TMEM266: variants seen among roughly 807,000 people sequenced by gnomAD.
TMEM266 encodes the protein Hv1 related protein 1.
Under a neutral mutation model 50.5 loss-of-function variants are expected in TMEM266, and 33 were observed. That is an observed-to-expected ratio of 0.65 (90% CI 0.50 to 0.87). TMEM266 has a LOEUF of 0.87. TMEM266 is among the 40% of genes least tolerant of loss of function. TMEM266 has a pLI of 0.00. For synonymous variants in TMEM266, 310 were observed against 292.3 expected (o/e 1.06, Z -0.62); for missense variants, 655 against 695.1 (o/e 0.94, Z 0.65).
intron 3 of TMEM266, among the ~76,000 whole-genome samples, chr15:76,151,896 C>T (rs1220750629): frequency 6.6e-6 from 1 of 152,178 alleles, no homozygotes; most frequent in Non-Finnish European, 1.5e-5. Flanking sequence ...CCTGGAACAG[C>T]GGTTTTCCAT....
In TMEM266 at chr15:76,124,831, GA is replaced by G. The variant is rs374244174; in HGVS notation, c.-96-9326del. Among the ~76,000 whole-genome samples, 1,249 of 144,748 alleles carry G rather than the reference GA, an allele frequency of 8.6e-3. 16 individuals carry two copies. Among genetic ancestry groups the G allele is most frequent in the African/African-American group, 0.029 (1,131 of 39,618 alleles). The allele number at this position is 144,748 out of a possible 152,430, so 95.0% of individuals were successfully genotyped here. A position where few individuals can be genotyped will look rare whatever the true frequency, so the allele number is the denominator to read the frequency against. Reference sequence around the variant, plus strand: ...AAAAATTCCAATGGCACTTTTCACAGAAAAAAAAAAATTCCTAAAATTTGTA... The same window carrying G: ...AAAAATTCCAATGGCACTTTTCACAGAAAAAAAAAATTCCTAAAATTTGTA... On this transcript the variant is annotated intron_variant, in intron 1 of 10. Coordinates refer to ENST00000388942, the MANE Select transcript of TMEM266 (RefSeq NM_152335.3).
At chr15:76,195,132 C>A (rs373203906) in intron 9 of TMEM266, among the ~76,000 whole-genome samples, 43 of 151,980 alleles carry the variant, frequency 2.8e-4, no homozygotes, top group African/African-American at 9.9e-4. Flanking sequence ...ATGCTTAGAA[C>A]CCATCTTAGA....
In TMEM266 at chr15:76,080,375, C is replaced by G. The variant is rs576185615; in HGVS notation, c.-97+20359C>G. ...CAAGCGATTCTCCTGCCTCAGCCTC[C>G]TGAGTAGCTGAGATTACAGGTATGC... On this transcript the variant is annotated intron_variant, in intron 1 of 10. Coordinates refer to ENST00000388942, the MANE Select transcript of TMEM266 (RefSeq NM_152335.3). 1.6e-4 allele frequency among the ~76,000 whole-genome samples: 19 copies of G among 121,538 alleles called. No homozygotes were observed. The South Asian group carries it at 4.8e-3, about 31-fold the overall frequency. 79.7% of individuals were successfully genotyped at this position (121,538 alleles called of 152,430 possible).
intron 1 of TMEM266, among the ~76,000 whole-genome samples, chr15:76,108,696 G>A (rs187258564): frequency 5.7e-4 from 87 of 152,304 alleles, no homozygotes; most frequent in African/African-American, 1.9e-3. Context: ...AGCTAGACAG[G>A]GTAGCAGTTT....
chr15:76,092,969 A>T (rs1382565391), intron 1 of TMEM266, among the ~76,000 whole-genome samples: 1 of 150,958 alleles, frequency 6.6e-6, no homozygotes, highest in Non-Finnish European at 1.5e-5. Context: ...CACCACACCC[A>T]ACTAATTTTT....
At chr15:76,203,667 C>T in intron 10 of TMEM266, 74 bp from the exon 11 acceptor site, 2 of 1,445,668 alleles carry the variant, frequency 1.4e-6, no homozygotes, top group Non-Finnish European at 1.9e-6. Context: ...CCGCCCGGCT[C>T]AGACCTGCTC....
chr15:76,145,819 G>T (rs2037746739), intron 3 of TMEM266, among the ~76,000 whole-genome samples: 1 of 152,238 alleles, frequency 6.6e-6, no homozygotes, highest in Admixed American at 6.5e-5. Flanking sequence ...TTCCAATGCA[G>T]TTGGACCAGT....
intron 1 of TMEM266, among the ~76,000 whole-genome samples, chr15:76,069,783 A>G (rs1163364538): frequency 6.6e-6 from 1 of 151,690 alleles, no homozygotes; most frequent in Non-Finnish European, 1.5e-5. Flanking sequence ...ATGCCACTGC[A>G]CTCCAGCCTG....
At chr15:76,157,437 C>T (rs2037944157) in intron 4 of TMEM266, among the ~76,000 whole-genome samples, 2 of 152,168 alleles carry the variant, frequency 1.3e-5, no homozygotes, top group South Asian at 4.1e-4. Context: ...CAGTTCTCTT[C>T]CTCTTGGCAT....
At chr15:76,107,413 G>A (rs1056397369) in intron 1 of TMEM266, among the ~76,000 whole-genome samples, 12 of 152,160 alleles carry the variant, frequency 7.9e-5, no homozygotes, top group African/African-American at 1.4e-4. Flanking sequence ...AAGTGACTGC[G>A]TTGAGTACTT....
intron 9 of TMEM266, among the ~76,000 whole-genome samples, chr15:76,199,931 A>C (rs892526539): frequency 6.6e-6 from 1 of 152,152 alleles, no homozygotes; most frequent in Non-Finnish European, 1.5e-5. Context: ...TGTCATGTAG[A>C]CCGTGAGTAG....
chr15:76,115,602 T>C (rs1216857313), intron 1 of TMEM266, among the ~76,000 whole-genome samples: 1 of 152,192 alleles, frequency 6.6e-6, no homozygotes, highest in East Asian at 1.9e-4. Context: ...CCTAACTTCT[T>C]GGGGCTGCCT....
At chr15:76,075,655 G>A (rs1430654694) in intron 1 of TMEM266, among the ~76,000 whole-genome samples, 1 of 151,774 alleles carries the variant, frequency 6.6e-6, no homozygotes, top group Non-Finnish European at 1.5e-5. Flanking sequence ...TAGGCACAGA[G>A]AGTAACCAAA....
rs114799572 is a variant in TMEM266, at chr15:76,133,804, G to A, written c.-96-364G>A. ...CATGGAAAACATTTGAGATTTTTTA[G>A]ACAAACCTTATTTTGAAGCCTCTCA... On this transcript the variant is annotated intron_variant, in intron 1 of 10. Coordinates refer to ENST00000388942, the MANE Select transcript of TMEM266 (RefSeq NM_152335.3). Among the ~76,000 whole-genome samples, 390 of 152,344 alleles carry A rather than the reference G, an allele frequency of 2.6e-3. 1 individual carries two copies. Among genetic ancestry groups the A allele is most frequent in the African/African-American group, 8.9e-3 (372 of 41,580 alleles).
At chr15:76,199,075 C>T (rs1454848380) in intron 9 of TMEM266, among the ~76,000 whole-genome samples, 1 of 152,220 alleles carries the variant, frequency 6.6e-6, no homozygotes, top group African/African-American at 2.4e-5. Context: ...AAGGGTAAAC[C>T]ATGAAGTCCA....
rs1299635405 is a variant in TMEM266, at chr15:76,153,391, C to T, written c.228-3213C>T. ...CGGCACCTTCCGTGGAACGTGAAGA[C>T]GAGGCTTCCTGCTGGCCAGCCCAGG... On this transcript the variant is annotated intron_variant, in intron 3 of 10. Transcript: ENST00000388942. The surrounding 1 kb of genome is among the most constrained non-coding windows in gnomAD (Gnocchi z 4.2). 6.6e-6 allele frequency among the ~76,000 whole-genome samples: 1 copy of T among 152,094 alleles called. No individual in the cohort carries two copies. The highest frequency in any genetic ancestry group is 1.5e-5 in the Non-Finnish European group (1 of 68,042).
intron 5 of TMEM266, among the ~76,000 whole-genome samples, chr15:76,164,160 G>A (rs140202649): frequency 9.9e-5 from 15 of 152,124 alleles, no homozygotes; most frequent in African/African-American, 2.9e-4. Context: ...TTGTGACTGC[G>A]GCTTTTAGCA....
intron 3 of TMEM266, among the ~76,000 whole-genome samples, chr15:76,154,408 T>C (rs2037891290): frequency 6.6e-6 from 1 of 152,134 alleles, no homozygotes; most frequent in African/African-American, 2.4e-5. Flanking sequence ...AAGATGTGGT[T>C]CTGCAATGGA....
chr15:76,099,904 G>A (rs1325571109), intron 1 of TMEM266, among the ~76,000 whole-genome samples: 1 of 152,166 alleles, frequency 6.6e-6, no homozygotes, highest in Non-Finnish European at 1.5e-5. Flanking sequence ...CCACCACAAA[G>A]CAGGAGAGGG....
Sources: allele counts gnomAD v4.1 joint callset (sites outside exome capture counted in the v4.1 genomes callset), GRCh38; gene constraint gnomAD v4.1.1; non-coding constraint Gnocchi (gnomAD v3.1); transcripts MANE v1.5; gene names NCBI Gene and HGNC (gene_info 2026-07-23, HGNC 2026-07-21).